COL19A1: variants seen among roughly 807,000 people sequenced by gnomAD.
COL19A1 encodes the protein collagen alpha-1(XIX) chain.
In COL19A1, 159 loss-of-function variants were observed where a neutral mutation model predicts 190.2. The ratio of observed to expected loss-of-function variants is 0.84; its 90% confidence interval spans 0.73 to 0.95. COL19A1 has a LOEUF of 0.95. Among genes scored for constraint, COL19A1 ranks in the 40% least tolerant of loss-of-function variants. COL19A1 has a pLI of 0.00. For synonymous variants in COL19A1, 509 were observed against 458.9 expected, an observed-to-expected ratio of 1.11 and a Z score of -1.39; for missense variants, 1,418 against 1,431.9, an observed-to-expected ratio of 0.99 and a Z score of 0.16.
In COL19A1 at chr6:70,096,576, A is replaced by G. The variant is rs1052495806; in HGVS notation, c.1225-5593A>G. On this transcript the variant is annotated intron_variant, in intron 15 of 50. Transcript: ENST00000620364. Reference sequence around the variant, plus strand: ...TGAAATCTTAGCACAAAAGGATTCTATAAGAGAAAAAATGGGGCACAGGGA... The same window carrying G: ...TGAAATCTTAGCACAAAAGGATTCTGTAAGAGAAAAAATGGGGCACAGGGA... 5.3e-5 allele frequency among the ~76,000 whole-genome samples: 8 copies of G among 152,214 alleles called. No individual in the cohort carries two copies. The East Asian group carries it at 5.8e-4, about 11-fold the overall frequency.
intron 11 of COL19A1, among the ~76,000 whole-genome samples, chr6:70,001,889 T>G (rs1405742657): frequency 6.6e-6 from 1 of 152,148 alleles, no homozygotes; most frequent in Non-Finnish European, 1.5e-5. Context: ...CTGGCCAAAA[T>G]TTCTGATACT....
chr6:70,042,984 C>T (rs916741755), intron 14 of COL19A1, among the ~76,000 whole-genome samples: 2 of 152,060 alleles, frequency 1.3e-5, no homozygotes, highest in African/African-American at 4.8e-5. Context: ...TTACTTCCTC[C>T]AATTACATCT....
intron 11 of COL19A1, among the ~76,000 whole-genome samples, chr6:69,985,965 T>A (rs1776288339): frequency 6.6e-6 from 1 of 152,030 alleles, no homozygotes; most frequent in Non-Finnish European, 1.5e-5. Context: ...CAGGGCCTTG[T>A]TAAAACATAT....
At chr6:69,960,728 G>C (rs1020164441) in intron 10 of COL19A1, among the ~76,000 whole-genome samples, 1 of 147,196 alleles carries the variant, frequency 6.8e-6, no homozygotes, top group African/African-American at 2.5e-5. Flanking sequence ...CTCCGTTCAC[G>C]CCATTCTCCT....
intron 37 of COL19A1, among the ~76,000 whole-genome samples, chr6:70,167,394 A>AT (rs1025936649): frequency 2.6e-5 from 4 of 152,186 alleles, no homozygotes; most frequent in African/African-American, 9.7e-5. Flanking sequence ...AAAATGTATG[A>AT]TTTTTTTAAA....
At chr6:69,912,592 C>T (rs551242623) in intron 4 of COL19A1, among the ~76,000 whole-genome samples, 5 of 152,272 alleles carry the variant, frequency 3.3e-5, no homozygotes, top group African/African-American at 1.2e-4. Context: ...ATTCTTGGCC[C>T]ACAGGTGCCA....
chr6:69,936,756 A>G (rs1773137382), intron 7 of COL19A1, 29 bp from the exon 8 acceptor site: 1 of 1,610,324 alleles, frequency 6.2e-7, no homozygotes, highest in African/African-American at 1.3e-5. Context: ...AATTGACCCC[A>G]TTTCCTAAAG....
chr6:69,932,343 G>A (rs944035845), intron 6 of COL19A1, among the ~76,000 whole-genome samples: 1 of 151,890 alleles, frequency 6.6e-6, no homozygotes. Context: ...ACCTATTTCA[G>A]TGCCTCAAAT....
Position 69,879,879 on chromosome 6 carries a change from C to G in COL19A1, c.91+221C>G. ...CGCATAGTATATTAGTCTATGTTTC[C>G]TTTCATCTTCAATATTTACAAGTAT... On this transcript the variant is annotated intron_variant, in intron 2 of 50. Transcript: ENST00000620364. The G allele has an allele frequency of 7.5e-6, 4 of 530,942 alleles. No homozygotes were observed. In the East Asian group the frequency reaches 1.2e-4, roughly 15 times the overall value. 32.9% of individuals were successfully genotyped at this position (530,942 alleles called of 1,614,324 possible). A position where few individuals can be genotyped will look rare whatever the true frequency, so the allele number is the denominator to read the frequency against.
chr6:69,999,798 G>A lies in COL19A1; in HGVS notation c.1027-23829G>A, dbSNP rs569811803. 7.9e-5 allele frequency among the ~76,000 whole-genome samples: 12 copies of A among 152,286 alleles called. No individual in the cohort carries two copies. In the East Asian group the frequency reaches 2.3e-3, roughly 29 times the overall value. ...AGAATTTCTTATTTGGAAAAGAACA[G>A]TTACGTTGTGTAACTTCCTTTGTTT... On this transcript the variant is annotated intron_variant, in intron 11 of 50. Transcript: ENST00000620364.
At chr6:70,049,796 G>T (rs1780102332) in intron 14 of COL19A1, among the ~76,000 whole-genome samples, 1 of 151,976 alleles carries the variant, frequency 6.6e-6, no homozygotes, top group Admixed American at 6.6e-5. Context: ...ATTATAAGAT[G>T]GGTAAGCCTT....
Position 70,196,982 on chromosome 6 carries a change from G to A in COL19A1, c.3095-2626G>A, listed in dbSNP as rs149324525. On this transcript the variant is annotated intron_variant, in intron 48 of 50. Coordinates refer to ENST00000620364, the MANE Select transcript of COL19A1 (RefSeq NM_001858.6). Reference sequence around the variant, plus strand: ...GCCAGATAATTTACAGCTAGAAGTAGTGAAAATAATTATCTGTTTTGCTAA... The same window carrying A: ...GCCAGATAATTTACAGCTAGAAGTAATGAAAATAATTATCTGTTTTGCTAA... 2.7e-4 allele frequency among the ~76,000 whole-genome samples: 41 copies of A among 152,190 alleles called. No individual in the cohort carries two copies. In the East Asian group the frequency reaches 7.3e-3, roughly 27 times the overall value.
Position 70,102,207 on chromosome 6 carries a change from A to T in COL19A1, c.1263A>T (p.Gly421=). The T allele has an allele frequency of 6.2e-7, 1 of 1,611,942 alleles. No homozygotes were observed. The highest frequency in any genetic ancestry group is 1.1e-5 in the South Asian group (1 of 91,012). ...AAACAGGACCTCCCGGAAAACCAGG[A>T]CCCCCAGGACCACCTGTGAGTAAAC... ...RGKTGPPGKP[G]PPGPPGPPGI... The change falls in exon 16 of 51, where the codon GGA becomes GGT. Residue 421 remains glycine, a synonymous_variant. Coordinates refer to ENST00000620364, the MANE Select transcript of COL19A1 (RefSeq NM_001858.6).
intron 2 of COL19A1, among the ~76,000 whole-genome samples, chr6:69,880,251 T>G (rs1055796412): frequency 6.6e-6 from 1 of 152,208 alleles, no homozygotes. Context: ...AATATTTACC[T>G]TCATCTCTGC....
At chr6:70,200,001 T>C (rs1767454754) in intron 49 of COL19A1, 1 of 308,040 alleles carries the variant, frequency 3.2e-6, no homozygotes, top group Admixed American at 4.4e-5. Flanking sequence ...AAAAATAATA[T>C]TTATTATAAC....
At chr6:70,143,815 G>A (rs892636596) in intron 23 of COL19A1, among the ~76,000 whole-genome samples, 1 of 151,916 alleles carries the variant, frequency 6.6e-6, no homozygotes, top group Non-Finnish European at 1.5e-5. Context: ...ATAGTGGCCA[G>A]AGCTATAAAA....
chr6:70,026,908 G>C (rs1778757837), intron 12 of COL19A1, among the ~76,000 whole-genome samples: 1 of 152,092 alleles, frequency 6.6e-6, no homozygotes, highest in Admixed American at 6.6e-5. Flanking sequence ...GATCTTCCCA[G>C]TAAATCCTGC....
chr6:69,884,665 C>T (rs1768792604), intron 2 of COL19A1, among the ~76,000 whole-genome samples: 1 of 152,170 alleles, frequency 6.6e-6, no homozygotes, highest in African/African-American at 2.4e-5. Flanking sequence ...TTTCTTTCCA[C>T]TCTACCATTG....
intron 1 of COL19A1, among the ~76,000 whole-genome samples, chr6:69,869,769 C>G (rs1248762890): frequency 6.6e-6 from 1 of 152,020 alleles, no homozygotes; most frequent in East Asian, 1.9e-4. Flanking sequence ...AGAAGTGAGT[C>G]GGTAAAACAG....
Sources: allele counts gnomAD v4.1 joint callset (sites outside exome capture counted in the v4.1 genomes callset), GRCh38; gene constraint gnomAD v4.1.1; transcripts MANE v1.5; gene names NCBI Gene and HGNC (gene_info 2026-07-23, HGNC 2026-07-21).